Variants in PDE10A observed in about 807,000 individuals in gnomAD.
PDE10A encodes cAMP and cAMP-inhibited cGMP 3',5'-cyclic phosphodiesterase 10A.
In PDE10A, 39 loss-of-function variants were observed where a neutral mutation model predicts 97.7. That is an observed-to-expected ratio of 0.40 (90% CI 0.31 to 0.52). The LOEUF is 0.52. Ranked by LOEUF, PDE10A falls within the 20% of genes least tolerant of loss-of-function variation. The pLI is 0.56. For missense variants in PDE10A, 731 were observed against 1,047.8 expected (o/e 0.70, Z 4.17); for synonymous variants, 371 against 376.8 (o/e 0.98, Z 0.18).
intron 3 of PDE10A, among the ~76,000 whole-genome samples, chr6:165,454,433 A>G (rs1459698839): frequency 2.0e-5 from 3 of 152,230 alleles, no homozygotes; most frequent in African/African-American, 4.8e-5. Flanking sequence ...TTTGATCCCC[A>G]ACGCAACAGT....
intron 1 of PDE10A, among the ~76,000 whole-genome samples, chr6:165,836,967 C>G (rs1018341377): frequency 2.0e-5 from 3 of 147,544 alleles, no homozygotes; most frequent in Non-Finnish European, 3.0e-5. Context: ...CCAAACACCG[C>G]GTATTCTCAC....
Position 165,634,285 on chromosome 6 carries a change from G to C in PDE10A, c.865+27662C>G, listed in dbSNP as rs376219226. The stretch of plus-strand genomic sequence containing the variant: ...TGTGTGTGGAGCGTCATGGGTTGTT[G>C]AGGAGTGTGCGGAGTGTATCTGTTG... On this transcript the variant is annotated intron_variant, in intron 1 of 21. Coordinates refer to ENST00000539869, the MANE Select transcript of PDE10A (RefSeq NM_001385079.1). Among the ~76,000 whole-genome samples the C allele has an allele frequency of 2.6e-5, 4 of 152,244 alleles. No homozygotes were observed. The East Asian group carries it at 5.8e-4, about 22-fold the overall frequency.
intron 3 of PDE10A, among the ~76,000 whole-genome samples, chr6:165,468,617 T>G (rs1170462886): frequency 2.6e-5 from 4 of 152,180 alleles, no homozygotes; most frequent in Admixed American, 6.5e-5. Flanking sequence ...TATTTAGCAG[T>G]GTGTCAAGCA....
At chr6:165,814,923 T>C (rs1175901532) in intron 1 of PDE10A, among the ~76,000 whole-genome samples, 1 of 151,954 alleles carries the variant, frequency 6.6e-6, no homozygotes, top group East Asian at 1.9e-4. Flanking sequence ...CAAATACTGA[T>C]TTATCCCCAG....
chr6:165,517,640 G>A (rs140968761), intron 2 of PDE10A, among the ~76,000 whole-genome samples: 1 of 152,240 alleles, frequency 6.6e-6, no homozygotes, highest in African/African-American at 2.4e-5. Context: ...GCTCGACACT[G>A]CATGATGTCA....
intron 1 of PDE10A, among the ~76,000 whole-genome samples, chr6:165,593,767 A>G (rs1489494130): frequency 6.6e-6 from 1 of 152,220 alleles, no homozygotes; most frequent in Non-Finnish European, 1.5e-5. Context: ...ACACTTACTA[A>G]TATTATGAAG....
rs549325415 is a variant in PDE10A, at chr6:165,801,415, C to G, written c.-615+186114G>C. 5.3e-5 allele frequency among the ~76,000 whole-genome samples: 8 copies of G among 152,294 alleles called. No individual in the cohort carries two copies. In the South Asian group the frequency reaches 1.7e-3, roughly 32 times the overall value. Reference sequence around the variant, plus strand: ...CAAAAATTAGCAAGGCATGGTGGTACATGCCTGTAATTCCAGCTACTTGGG... The same window carrying G: ...CAAAAATTAGCAAGGCATGGTGGTAGATGCCTGTAATTCCAGCTACTTGGG... On this transcript the variant is annotated intron_variant, in intron 1 of 19. Coordinates refer to the PDE10A transcript ENST00000366882.
intron 4 of PDE10A, among the ~76,000 whole-genome samples, 172 bp downstream of exon 4, chr6:165,450,070 G>A (rs865895341): frequency 4.6e-5 from 7 of 152,256 alleles, no homozygotes; most frequent in Middle Eastern, 3.4e-3. Context: ...AAAGTTTTAG[G>A]TTTGACTCAC....
At chr6:165,486,721 A>G (rs1180231167) in intron 2 of PDE10A, among the ~76,000 whole-genome samples, 1 of 152,194 alleles carries the variant, frequency 6.6e-6, no homozygotes, top group African/African-American at 2.4e-5. Context: ...CTTTTAGAAA[A>G]AAAGTCACCA....
chr6:165,892,259 G>A (rs1382752464), intron 1 of PDE10A, among the ~76,000 whole-genome samples: 2 of 152,116 alleles, frequency 1.3e-5, no homozygotes, highest in Non-Finnish European at 2.9e-5. Flanking sequence ...GTGAGAGTTC[G>A]GGTGACACAG....
chr6:165,576,670 T>A (rs569011818), intron 1 of PDE10A, among the ~76,000 whole-genome samples: 1 of 152,334 alleles, frequency 6.6e-6, no homozygotes, highest in South Asian at 2.1e-4. Context: ...TCTCTTTAAG[T>A]GAAATCATCC....
At chr6:165,431,863 T>C (rs1275174815) in intron 7 of PDE10A, among the ~76,000 whole-genome samples, 1 of 152,090 alleles carries the variant, frequency 6.6e-6, no homozygotes, top group Non-Finnish European at 1.5e-5. Context: ...AAGAGAGCTG[T>C]AGCCCAATGA....
intron 1 of PDE10A, among the ~76,000 whole-genome samples, chr6:165,670,686 T>C (rs1790623784): frequency 1.3e-5 from 2 of 152,218 alleles, no homozygotes; most frequent in Admixed American, 6.5e-5. Context: ...CTTTTTCTTG[T>C]TTCTGGAGTT....
chr6:165,691,107 C>T (rs1287704157), intron 1 of PDE10A, among the ~76,000 whole-genome samples: 12 of 13,386 alleles, frequency 9.0e-4, no homozygotes, highest in African/African-American at 2.1e-3. Context: ...CTTTCTCTCT[C>T]CCCCCCCCCA....
chr6:165,527,534 G>A (rs1040150913), intron 2 of PDE10A, among the ~76,000 whole-genome samples: 4 of 152,186 alleles, frequency 2.6e-5, no homozygotes, highest in African/African-American at 9.7e-5. Context: ...CTCCTTTTGA[G>A]AGACAGCTAT....
chr6:165,433,242 T>A lies in PDE10A; in HGVS notation c.1336-113A>T, dbSNP rs964737728. On this transcript the variant is annotated intron_variant, in intron 6 of 21. Coordinates refer to ENST00000539869, the MANE Select transcript of PDE10A (RefSeq NM_001385079.1). ...CTTGTAATCAATAATAAGCAGTACTTTTCAAAGGAAAACTAAATGATGATA... is the reference window on the plus strand; with the variant it reads ...CTTGTAATCAATAATAAGCAGTACTATTCAAAGGAAAACTAAATGATGATA... The A allele has an allele frequency of 1.1e-4, 81 of 734,692 alleles. No homozygotes were observed. In the Admixed American group the frequency reaches 2.1e-3, roughly 19 times the overall value. 45.5% of individuals were successfully genotyped at this position (734,692 alleles called of 1,614,324 possible).
At chr6:165,902,856 G>A (rs1482369601) in intron 1 of PDE10A, among the ~76,000 whole-genome samples, 2 of 152,232 alleles carry the variant, frequency 1.3e-5, no homozygotes, top group Non-Finnish European at 2.9e-5. Context: ...GGCTGCAGAA[G>A]AAAAGGTCCT....
chr6:165,338,804 C>A (rs1583063764), intron 20 of PDE10A, among the ~76,000 whole-genome samples: 3 of 152,184 alleles, frequency 2.0e-5, no homozygotes, highest in Admixed American at 2.0e-4. Context: ...AGTATGAATT[C>A]TTTCAGTCCA....
chr6:165,559,477 CATT>C (rs1784419339), intron 1 of PDE10A, among the ~76,000 whole-genome samples: 1 of 152,174 alleles, frequency 6.6e-6, no homozygotes, highest in Non-Finnish European at 1.5e-5. Flanking sequence ...CATACTGTCT[CATT>C]AGAAATATTT....
Sources: gnomAD v4.1 joint callset for allele counts (sites outside exome capture counted in the v4.1 genomes callset) on GRCh38, gnomAD v4.1.1 for gene constraint, MANE v1.5 for transcripts, NCBI Gene and HGNC (gene_info 2026-07-23, HGNC 2026-07-21) for gene names.